The following UGT1A8 variants were observed in gnomAD, a reference collection of about 807,000 sequenced individuals.
UGT1A8 encodes UDP glucuronosyltransferase family 1 member A8, also known as UDP-glucuronosyltransferase 1A8.
UGT1A8 carries 39 observed loss-of-function variants against 45.3 expected under a neutral mutation model. That is an observed-to-expected ratio of 0.86 (90% confidence interval 0.67 to 1.12). The LOEUF (loss-of-function observed/expected upper bound fraction) is 1.12, where lower values mean the gene tolerates loss of function less well. UGT1A8 is among the 50% of genes most tolerant of loss of function. The pLI, the probability that UGT1A8 is intolerant of heterozygous loss-of-function variation, is 0.00. For synonymous variants in UGT1A8, 275 were observed against 249.2 expected (o/e 1.10, Z -0.97); for missense variants, 719 against 664.9 (o/e 1.08, Z -0.90).
chr2:233,666,241 G>A (rs887661778), intron 1 of UGT1A8, among the ~76,000 whole-genome samples: 7 of 152,262 alleles, frequency 4.6e-5, no homozygotes, highest in South Asian at 2.1e-4. Context: ...CTGGGAGGGG[G>A]CACTAGGTCA....
At chr2:233,772,231 C>G (rs2126066106) in intron 4 of UGT1A8, 31 bp from the exon 5 acceptor site, 1 of 1,613,718 alleles carries the variant, frequency 6.2e-7, no homozygotes, top group Non-Finnish European at 8.5e-7. Context: ...CACAGGTGTT[C>G]CAGGCATAAC....
intron 1 of UGT1A8, among the ~76,000 whole-genome samples, chr2:233,670,358 T>C (rs765640225): frequency 6.6e-6 from 1 of 152,220 alleles, no homozygotes; most frequent in African/African-American, 2.4e-5. Flanking sequence ...CAGAATTACA[T>C]CATAATTATT....
chr2:233,757,306 AG>A (rs1394181032), intron 1 of UGT1A8, among the ~76,000 whole-genome samples: 3 of 7,688 alleles, frequency 3.9e-4, no homozygotes, highest in African/African-American at 1.6e-3. Context: ...GTTGGGGGAC[AG>A]GGGGGCTGGG....
intron 1 of UGT1A8, among the ~76,000 whole-genome samples, chr2:233,619,346 T>C (rs1183011248): frequency 6.6e-6 from 1 of 152,186 alleles, no homozygotes; most frequent in Non-Finnish European, 1.5e-5. Flanking sequence ...AATATTGATA[T>C]ATGTTTAGGC....
chr2:233,642,892 C>T (rs892036921), intron 1 of UGT1A8, among the ~76,000 whole-genome samples: 1 of 152,132 alleles, frequency 6.6e-6, no homozygotes, highest in African/African-American at 2.4e-5. Context: ...CTCTCACTCT[C>T]TCTCTCTCTC....
intron 1 of UGT1A8, among the ~76,000 whole-genome samples, chr2:233,759,662 G>C (rs1697226515): frequency 1.6e-5 from 2 of 126,634 alleles, no homozygotes; most frequent in South Asian, 2.5e-4. Context: ...CTAAGTTCCT[G>C]CTCATGTGTT....
intron 1 of UGT1A8, among the ~76,000 whole-genome samples, chr2:233,715,142 T>C (rs555034486): frequency 2.0e-5 from 3 of 152,334 alleles, no homozygotes; most frequent in Admixed American, 2.0e-4. Flanking sequence ...CACCTCAGCC[T>C]GCCAAAGTGC....
At position 233,653,952 on chromosome 2, in the gene UGT1A8, T is replaced by C. The variant is rs2073796428; in HGVS notation, c.855+35390T>C. 2.0e-5 allele frequency among the ~76,000 whole-genome samples: 3 copies of C among 152,248 alleles called. No homozygotes were observed. In the South Asian group the frequency reaches 6.2e-4, roughly 31 times the overall value. ...TACAAAAGGGACATCTCTTCATTATTGAGGACATTTCAACATTTGTACGTA... is the reference window on the plus strand; with the variant it reads ...TACAAAAGGGACATCTCTTCATTATCGAGGACATTTCAACATTTGTACGTA... On this transcript the variant is annotated intron_variant, in intron 1 of 4. Transcript: ENST00000373450.
intron 1 of UGT1A8, chr2:233,756,150 C>G (rs1696134000): frequency 6.6e-6 from 1 of 152,108 alleles, no homozygotes; most frequent in Non-Finnish European, 1.5e-5. Flanking sequence ...CTGGGGATCC[C>G]TAGGATTTCC....
At chr2:233,659,146 T>G (rs926804143) in intron 1 of UGT1A8, among the ~76,000 whole-genome samples, 1 of 152,224 alleles carries the variant, frequency 6.6e-6, no homozygotes, top group African/African-American at 2.4e-5. Context: ...TTTGATCAGA[T>G]TTATCCCTAA....
chr2:233,747,799 A>C, intron 1 of UGT1A8: 1 of 1,613,474 alleles, frequency 6.2e-7, no homozygotes, highest in Non-Finnish European at 8.5e-7. Context: ...TATATTCCTA[A>C]GTTACTAACG....
intron 1 of UGT1A8, chr2:233,693,622 CCAA>C (rs746308513): frequency 3.7e-6 from 6 of 1,614,072 alleles, no homozygotes; most frequent in African/African-American, 1.3e-5. Flanking sequence ...TGACTTTTTC[CCAA>C]CGAGTGGCCA....
chr2:233,649,172 G>A (rs1197215936), intron 1 of UGT1A8: 3 of 437,426 alleles, frequency 6.9e-6, no homozygotes, highest in Non-Finnish European at 1.1e-5. Flanking sequence ...CCATCCACGT[G>A]TTTGTTGGTT....
intron 1 of UGT1A8, among the ~76,000 whole-genome samples, chr2:233,661,121 A>G (rs1406892362): frequency 6.8e-6 from 1 of 147,968 alleles, no homozygotes; most frequent in Non-Finnish European, 1.5e-5. Context: ...ATACAGAATT[A>G]CTCTTTGACA....
intron 1 of UGT1A8, among the ~76,000 whole-genome samples, chr2:233,731,422 C>T (rs547999595): frequency 2.0e-5 from 3 of 152,028 alleles, no homozygotes; most frequent in Non-Finnish European, 4.4e-5. Context: ...TTTCCTAATG[C>T]CATCCCTCCC....
At chr2:233,749,562 T>C (rs541768746) in intron 1 of UGT1A8, among the ~76,000 whole-genome samples, 1 of 151,994 alleles carries the variant, frequency 6.6e-6, no homozygotes, top group Non-Finnish European at 1.5e-5. Context: ...ATGTATTCAA[T>C]AGTGAGGCCA....
At chr2:233,742,829 C>T (rs1399868443) in intron 1 of UGT1A8, 1 of 154,656 alleles carries the variant, frequency 6.5e-6, no homozygotes, top group Non-Finnish European at 1.4e-5. Context: ...TAGATTTCAC[C>T]ACTACACACT....
At chr2:233,633,095 T>A (rs2073220963) in intron 1 of UGT1A8, among the ~76,000 whole-genome samples, 1 of 152,202 alleles carries the variant, frequency 6.6e-6, no homozygotes, top group African/African-American at 2.4e-5. Flanking sequence ...TGGTTCTGTT[T>A]ATGTGATGGA....
chr2:233,682,671 AC>A, intron 1 of UGT1A8: 1 of 1,613,852 alleles, frequency 6.2e-7, no homozygotes, highest in Non-Finnish European at 8.5e-7. Flanking sequence ...TATGATCTCT[AC>A]AGCCACACAT....
Sources: gnomAD v4.1 joint callset for allele counts (sites outside exome capture counted in the v4.1 genomes callset) on GRCh38, gnomAD v4.1.1 for gene constraint, MANE v1.5 for transcripts, NCBI Gene and HGNC (gene_info 2026-07-23, HGNC 2026-07-21) for gene names.